The following NLK variants were observed in gnomAD, a reference collection of about 807,000 sequenced individuals.
NLK encodes nemo like kinase.
A neutral mutation model predicts 59.0 loss-of-function variants in NLK; 11 were observed. The ratio of observed to expected loss-of-function variants is 0.19; its 90% CI spans 0.12 to 0.31. The LOEUF (loss-of-function observed/expected upper bound fraction) is 0.31, where lower values mean the gene tolerates loss of function less well. Ranked by LOEUF, NLK falls within the 10% of genes least tolerant of loss-of-function variation. NLK has a pLI of 1.00. For synonymous variants in NLK, 235 were observed against 235.9 expected (o/e 1.00, Z 0.03); for missense variants, 410 against 661.1 (o/e 0.62, Z 4.16).
intron 1 of NLK, among the ~76,000 whole-genome samples, chr17:28,061,759 C>CATATATA (rs1401151556): frequency 2.1e-5 from 3 of 143,388 alleles, no homozygotes; most frequent in Non-Finnish European, 4.5e-5. Context: ...TACATATATA[C>CATATATA]ACATATACAT....
chr17:28,167,856 G>A (rs1049898301), intron 5 of NLK, among the ~76,000 whole-genome samples: 6 of 151,742 alleles, frequency 4.0e-5, no homozygotes, highest in Admixed American at 2.6e-4. Flanking sequence ...AGTCGTTTAC[G>A]TTCACCTAGT....
intron 3 of NLK, among the ~76,000 whole-genome samples, chr17:28,152,295 A>C (rs910363988): frequency 6.6e-6 from 1 of 152,148 alleles, no homozygotes; most frequent in African/African-American, 2.4e-5. Context: ...TTTCATACTT[A>C]CTCTGTTTTT....
intron 7 of NLK, among the ~76,000 whole-genome samples, chr17:28,179,895 T>TTTTTTTTTTTA: frequency 6.7e-6 from 1 of 150,344 alleles, no homozygotes; most frequent in Admixed American, 6.6e-5. Flanking sequence ...TTTTTTTTTT[T>TTTTTTTTTTTA]TTGCTTATTC....
intron 1 of NLK, among the ~76,000 whole-genome samples, chr17:28,110,373 ATAT>A (rs1330157574): frequency 1.3e-5 from 2 of 151,700 alleles, no homozygotes; most frequent in Admixed American, 6.6e-5. Flanking sequence ...GTCATTTATC[ATAT>A]TGTTGTTTTT....
intron 1 of NLK, among the ~76,000 whole-genome samples, chr17:28,114,800 T>C (rs1460853141): frequency 1.3e-5 from 2 of 152,166 alleles, no homozygotes; most frequent in Non-Finnish European, 2.9e-5. Context: ...TAACATAGAT[T>C]GAAAAGATAT....
intron 4 of NLK, among the ~76,000 whole-genome samples, chr17:28,163,008 A>G (rs1908077878): frequency 6.6e-6 from 1 of 152,200 alleles, no homozygotes; most frequent in Admixed American, 6.5e-5. Flanking sequence ...GAATGAAGAC[A>G]CTGGTCTTCT....
chr17:28,131,586 TAAAAAAA>T (rs35804817), intron 2 of NLK, among the ~76,000 whole-genome samples: 1,857 of 83,684 alleles, frequency 0.022, 22 homozygotes, highest in South Asian at 0.098. Flanking sequence ...TTCTCTGTAG[TAAAAAAA>T]AAAAAAAAAA....
chr17:28,099,294 A>G (rs917414765), intron 1 of NLK, among the ~76,000 whole-genome samples: 2 of 152,102 alleles, frequency 1.3e-5, no homozygotes, highest in Non-Finnish European at 2.9e-5. Flanking sequence ...ATACAACAAA[A>G]TTCACCTATC....
rs372948254 is a variant in NLK at position 28,114,666 on chromosome 17, A to G, written c.459-7937A>G. Among the ~76,000 whole-genome samples, 12 of 152,316 alleles carry G rather than the reference A, an allele frequency of 7.9e-5. No homozygotes were observed. In the East Asian group the frequency reaches 1.2e-3, roughly 15 times the overall value. Reference sequence around the variant, plus strand: ...TATTCTTCTATACGTTATCTTCTAAAAGCGATGTGATTTTGCTTTTCATGT... The same window carrying G: ...TATTCTTCTATACGTTATCTTCTAAGAGCGATGTGATTTTGCTTTTCATGT... On this transcript the variant is annotated intron_variant, in intron 1 of 10. Coordinates refer to ENST00000407008, the MANE Select transcript of NLK (RefSeq NM_016231.5).
intron 1 of NLK, chr17:28,062,171 G>C (rs186170571): frequency 6.6e-6 from 1 of 152,038 alleles, no homozygotes; most frequent in African/African-American, 2.4e-5. Context: ...GAGAGCGAGA[G>C]TTATAGATGG....
chr17:28,115,402 A>G (rs1905721544), intron 1 of NLK, among the ~76,000 whole-genome samples: 1 of 152,194 alleles, frequency 6.6e-6, no homozygotes, highest in Non-Finnish European at 1.5e-5. Context: ...TTAATAACTG[A>G]TACAACCTTC....
intron 7 of NLK, among the ~76,000 whole-genome samples, chr17:28,174,589 G>A (rs1908599746): frequency 6.6e-6 from 1 of 152,124 alleles, no homozygotes; most frequent in Non-Finnish European, 1.5e-5. Flanking sequence ...TTAGGCAGAT[G>A]TTCATGGTCT....
At position 28,194,470 on chromosome 17, in the gene NLK, C is replaced by G; in HGVS notation, c.1530-112C>G. On this transcript the variant is annotated intron_variant, in intron 10 of 10. Transcript: ENST00000407008. Reference sequence around the variant, plus strand: ...CAACTTCAAAGAAACAAATAAAAATCCAGAAGTGGAATTAATTTTTTCAGA... The same window carrying G: ...CAACTTCAAAGAAACAAATAAAAATGCAGAAGTGGAATTAATTTTTTCAGA... The G allele has an allele frequency of 5.7e-6, 4 of 702,432 alleles. No individual in the cohort carries two copies. The South Asian group carries it at 1.0e-4, about 18-fold the overall frequency. The allele number at this position is 702,432 out of a possible 1,614,324, so 43.5% of individuals were successfully genotyped here. A position where few individuals can be genotyped will look rare whatever the true frequency, so the allele number is the denominator to read the frequency against.
chr17:28,124,065 A>G (rs1200351182), intron 2 of NLK, among the ~76,000 whole-genome samples: 1 of 152,214 alleles, frequency 6.6e-6, no homozygotes, highest in Non-Finnish European at 1.5e-5. Flanking sequence ...TAAAACTGGG[A>G]GTACTAAACT....
At chr17:28,089,866 T>G (rs1904423361) in intron 1 of NLK, among the ~76,000 whole-genome samples, 1 of 152,216 alleles carries the variant, frequency 6.6e-6, no homozygotes. Flanking sequence ...AAATCTTCTC[T>G]CTACTTTTAA....
At chr17:28,068,518 G>T (rs1267533300) in intron 1 of NLK, among the ~76,000 whole-genome samples, 1 of 152,114 alleles carries the variant, frequency 6.6e-6, no homozygotes, top group Admixed American at 6.6e-5. Flanking sequence ...TTGCGTGATT[G>T]ATACCATTTT....
chr17:28,169,154 G>C (rs1908362086), intron 6 of NLK, among the ~76,000 whole-genome samples: 1 of 152,146 alleles, frequency 6.6e-6, no homozygotes, highest in Non-Finnish European at 1.5e-5. Flanking sequence ...CCAAAGTGCT[G>C]GGATTACAGG....
chr17:28,111,764 C>A (rs568506541), intron 1 of NLK, among the ~76,000 whole-genome samples: 1 of 151,796 alleles, frequency 6.6e-6, no homozygotes, highest in African/African-American at 2.4e-5. Flanking sequence ...AATTTTTAGC[C>A]TAGCTTTCTT....
rs554901870 is a variant in NLK at position 28,114,643 on chromosome 17, T to C, written c.459-7960T>C. Among the ~76,000 whole-genome samples the C allele has an allele frequency of 4.9e-4, 74 of 152,372 alleles. No homozygotes were observed. The South Asian group carries it at 0.013, about 26-fold the overall frequency. ...AATCTTTCCCTGCCTTAATATCATATTCTTCTATACGTTATCTTCTAAAAG... is the reference window on the plus strand; with the variant it reads ...AATCTTTCCCTGCCTTAATATCATACTCTTCTATACGTTATCTTCTAAAAG... On this transcript the variant is annotated intron_variant, in intron 1 of 10. Coordinates refer to ENST00000407008, the MANE Select transcript of NLK (RefSeq NM_016231.5).
Sources: allele counts gnomAD v4.1 joint callset (sites outside exome capture counted in the v4.1 genomes callset), GRCh38; gene constraint gnomAD v4.1.1; transcripts MANE v1.5; gene names NCBI Gene and HGNC (gene_info 2026-07-23, HGNC 2026-07-21).